IGF1: variants seen among roughly 807,000 people sequenced by gnomAD.
IGF1 encodes the protein insulin-like growth factor 1.
IGF1 carries 4 observed loss-of-function variants against 13.8 expected under a neutral mutation model. That is an observed-to-expected ratio of 0.29 (90% CI 0.14 to 0.66). The LOEUF is 0.66. IGF1 is among the 30% of genes least tolerant of loss of function. The pLI is 0.78. For missense variants in IGF1, 124 were observed against 188.5 expected (o/e 0.66, Z 2.00); for synonymous variants, 76 against 72.6 (o/e 1.05, Z -0.23).
intron 2 of IGF1, among the ~76,000 whole-genome samples, chr12:102,456,545 C>A (rs139807087): frequency 3.5e-3 from 535 of 151,966 alleles, no homozygotes; most frequent in African/African-American, 0.012. Context: ...AAATGATAGT[C>A]CTATTTATAG....
At chr12:102,450,367 T>C (rs975447607) in intron 2 of IGF1, among the ~76,000 whole-genome samples, 9 of 152,266 alleles carry the variant, frequency 5.9e-5, no homozygotes, top group African/African-American at 2.2e-4. Context: ...ATTTGCCTTT[T>C]GGCGCTGCTT....
At chr12:102,428,463 T>C (rs1876430082) in intron 2 of IGF1, among the ~76,000 whole-genome samples, 1 of 151,834 alleles carries the variant, frequency 6.6e-6, no homozygotes, top group South Asian at 2.1e-4. Context: ...GACAAGCCCA[T>C]CCATATGGAT....
intron 2 of IGF1, among the ~76,000 whole-genome samples, chr12:102,439,161 G>A (rs576983387): frequency 6.6e-6 from 1 of 152,200 alleles, no homozygotes; most frequent in Non-Finnish European, 1.5e-5. Flanking sequence ...ATCACTGTGT[G>A]TCCAGTGTCT....
At chr12:102,459,908 T>C (rs376883602) in intron 2 of IGF1, among the ~76,000 whole-genome samples, 34 of 152,302 alleles carry the variant, frequency 2.2e-4, no homozygotes, top group African/African-American at 7.9e-4. Flanking sequence ...GCAATAGATA[T>C]GTCTTGAACG....
chr12:102,449,303 C>T (rs1201142680), intron 2 of IGF1, among the ~76,000 whole-genome samples: 1 of 151,484 alleles, frequency 6.6e-6, no homozygotes, highest in Non-Finnish European at 1.5e-5. Context: ...GAACGGAAAA[C>T]CAAACACCAC....
chr12:102,464,150 G>A (rs1473990245), intron 2 of IGF1, among the ~76,000 whole-genome samples: 1 of 152,058 alleles, frequency 6.6e-6, no homozygotes, highest in Non-Finnish European at 1.5e-5. Context: ...ACTGAGTGGA[G>A]GTTCTGTTCT....
intron 2 of IGF1, among the ~76,000 whole-genome samples, chr12:102,443,621 C>T (rs1878055401): frequency 6.6e-6 from 1 of 152,010 alleles, no homozygotes; most frequent in South Asian, 2.1e-4. Flanking sequence ...TGATAACCTC[C>T]TCTTGAATGA....
intron 2 of IGF1, among the ~76,000 whole-genome samples, chr12:102,432,777 A>G (rs1876852077): frequency 6.6e-6 from 1 of 152,198 alleles, no homozygotes; most frequent in Non-Finnish European, 1.5e-5. Flanking sequence ...AAAATCACCA[A>G]GTACTTGTAT....
intron 2 of IGF1, among the ~76,000 whole-genome samples, chr12:102,425,213 C>T (rs1876093913): frequency 6.6e-6 from 1 of 152,192 alleles, no homozygotes; most frequent in Non-Finnish European, 1.5e-5. Flanking sequence ...AAGGATCTTT[C>T]CAAGTAAGAT....
chr12:102,460,262 C>T (rs1269666853), intron 2 of IGF1, among the ~76,000 whole-genome samples: 3 of 152,190 alleles, frequency 2.0e-5, no homozygotes, highest in Non-Finnish European at 4.4e-5. Context: ...GGAGTGGAAA[C>T]GTTTTGTGAC....
intron 1 of IGF1, among the ~76,000 whole-genome samples, chr12:102,477,831 C>T (rs1881156620): frequency 6.6e-6 from 1 of 151,896 alleles, no homozygotes; most frequent in African/African-American, 2.4e-5. Context: ...TTGTGAAATC[C>T]AGGGAAAAAA....
intron 2 of IGF1, among the ~76,000 whole-genome samples, chr12:102,430,437 G>A (rs1043669850): frequency 3.3e-5 from 5 of 152,098 alleles, no homozygotes; most frequent in Admixed American, 2.6e-4. Context: ...TTAGGCTGAC[G>A]AATGAAATGA....
At chr12:102,434,074 G>A (rs1392455145) in intron 2 of IGF1, among the ~76,000 whole-genome samples, 1 of 151,702 alleles carries the variant, frequency 6.6e-6, no homozygotes, top group African/African-American at 2.4e-5. Flanking sequence ...TTTTTTACTT[G>A]AAAAACAAAT....
At chr12:102,436,141 C>T (rs1420314210) in intron 2 of IGF1, among the ~76,000 whole-genome samples, 3 of 152,156 alleles carry the variant, frequency 2.0e-5, no homozygotes, top group Admixed American at 2.0e-4. Flanking sequence ...TATTATAACC[C>T]TTCAAAGTAA....
At chr12:102,449,813 GAC>G (rs1363379980) in intron 2 of IGF1, among the ~76,000 whole-genome samples, 2 of 151,836 alleles carry the variant, frequency 1.3e-5, no homozygotes, top group African/African-American at 4.8e-5. Context: ...CTCTATTCTT[GAC>G]ACAAACTCTT....
chr12:102,467,363 G>C (rs1457461162), intron 2 of IGF1, among the ~76,000 whole-genome samples: 1 of 152,114 alleles, frequency 6.6e-6, no homozygotes, highest in Non-Finnish European at 1.5e-5. Context: ...GTTTGGGACA[G>C]TCAGAGAAAT....
chr12:102,424,858 C>T (rs578126422), intron 2 of IGF1, among the ~76,000 whole-genome samples: 1 of 152,214 alleles, frequency 6.6e-6, no homozygotes, highest in South Asian at 2.1e-4. Context: ...TTTGCATTTA[C>T]TTGAAAACCT....
chr12:102,458,960 A>C (rs1369725409), intron 2 of IGF1, among the ~76,000 whole-genome samples: 44 of 152,170 alleles, frequency 2.9e-4, no homozygotes, highest in Admixed American at 2.9e-3. Context: ...CAATCAAGTC[A>C]ATGTCTCAAT....
chr12:102,477,674 A>ACC (rs17885210), intron 1 of IGF1, among the ~76,000 whole-genome samples: 2 of 151,830 alleles, frequency 1.3e-5, no homozygotes, highest in African/African-American at 2.4e-5. Flanking sequence ...TGCAGAGCAT[A>ACC]CCCCCACACT....
Sources: allele counts gnomAD v4.1 joint callset (sites outside exome capture counted in the v4.1 genomes callset), GRCh38; gene constraint gnomAD v4.1.1; transcripts MANE v1.5; gene names NCBI Gene and HGNC (gene_info 2026-07-23, HGNC 2026-07-21).